Variants in GUCY1B1 observed in about 807,000 individuals in gnomAD.
GUCY1B1 encodes the protein guanylate cyclase 1 soluble subunit beta 1.
Under a neutral mutation model 71.0 loss-of-function variants are expected in GUCY1B1, and 43 were observed. That is an observed-to-expected ratio of 0.61 (90% CI 0.47 to 0.78). The LOEUF is 0.78. Among genes scored for constraint, GUCY1B1 ranks in the 30% least tolerant of loss-of-function variants. GUCY1B1 has a pLI of 0.00. For synonymous variants in GUCY1B1, 266 were observed against 259.7 expected (o/e 1.02, Z -0.23); for missense variants, 535 against 754.1 (o/e 0.71, Z 3.40).
chr4:155,796,877 G>C (rs181103293), intron 8 of GUCY1B1, among the ~76,000 whole-genome samples: 2 of 152,074 alleles, frequency 1.3e-5, no homozygotes, highest in East Asian at 3.9e-4. Flanking sequence ...TAAATACATT[G>C]GTATATTTGA....
chr4:155,789,200 GATATT>G (rs1738993901), intron 4 of GUCY1B1, among the ~76,000 whole-genome samples: 3 of 152,258 alleles, frequency 2.0e-5, no homozygotes, highest in African/African-American at 7.2e-5. Context: ...TAATTTCTAA[GATATT>G]AGAATAGTTA....
At chr4:155,780,690 A>G (rs967924196) in intron 4 of GUCY1B1, among the ~76,000 whole-genome samples, 3 of 152,192 alleles carry the variant, frequency 2.0e-5, no homozygotes, top group South Asian at 2.1e-4. Context: ...ACACCAATAG[A>G]TCAAGCTGAA....
chr4:155,766,171 G>A (rs1737321381), intron 2 of GUCY1B1, among the ~76,000 whole-genome samples: 1 of 152,064 alleles, frequency 6.6e-6, no homozygotes, highest in African/African-American at 2.4e-5. Context: ...AAAGAATAGA[G>A]CACACACATA....
chr4:155,781,052 A>G (rs1387866146), intron 4 of GUCY1B1, among the ~76,000 whole-genome samples: 2 of 152,194 alleles, frequency 1.3e-5, no homozygotes, highest in African/African-American at 2.4e-5. Flanking sequence ...CCTCTCAGTT[A>G]GATACATTAT....
At chr4:155,773,117 T>G (rs773080218) in intron 2 of GUCY1B1, among the ~76,000 whole-genome samples, 6 of 152,236 alleles carry the variant, frequency 3.9e-5, no homozygotes, top group Non-Finnish European at 7.3e-5. Flanking sequence ...CTTTGTATTC[T>G]CTTGGCAATG....
chr4:155,786,762 C>T (rs757636000), intron 4 of GUCY1B1, among the ~76,000 whole-genome samples: 2 of 151,888 alleles, frequency 1.3e-5, no homozygotes, highest in Non-Finnish European at 2.9e-5. Flanking sequence ...TGTGAGGCAC[C>T]GCGCCTGGCC....
At chr4:155,772,324 T>C (rs949870483) in intron 2 of GUCY1B1, among the ~76,000 whole-genome samples, 1 of 152,236 alleles carries the variant, frequency 6.6e-6, no homozygotes, top group Non-Finnish European at 1.5e-5. Context: ...GCTTAGAATA[T>C]ACTTTTGTAC....
Position 155,802,117 on chromosome 4 carries a change from C to A in GUCY1B1, c.1176-225C>A. The A allele has an allele frequency of 1.0e-6, 1 of 968,666 alleles. No individual in the cohort carries two copies. The highest frequency in any genetic ancestry group is 1.5e-6 in the Non-Finnish European group (1 of 676,266). The allele number at this position is 968,666 out of a possible 1,614,324, so 60.0% of individuals were successfully genotyped here. A position where few individuals can be genotyped will look rare whatever the true frequency, so the allele number is the denominator to read the frequency against. On this transcript the variant is annotated intron_variant, in intron 9 of 13. Coordinates refer to ENST00000264424, the MANE Select transcript of GUCY1B1 (RefSeq NM_000857.5). This position sits in a 1 kb window ranked among gnomAD's most constrained non-coding sequence, Gnocchi z 4.3. ...TTGATTTGGTTTGAACTAGTTTGGG[C>A]TTGCGGATGTCTTATGTGATTAGGA...
At chr4:155,774,265 A>C (rs2111023535) in intron 2 of GUCY1B1, among the ~76,000 whole-genome samples, 1 of 152,238 alleles carries the variant, frequency 6.6e-6, no homozygotes, top group South Asian at 2.1e-4. Flanking sequence ...TGTTCCAGCC[A>C]CATTGGCCTC....
chr4:155,800,506 T>G (rs1739873096), intron 9 of GUCY1B1, among the ~76,000 whole-genome samples: 1 of 152,208 alleles, frequency 6.6e-6, no homozygotes, highest in Non-Finnish European at 1.5e-5. Flanking sequence ...GTTTAAAAAT[T>G]TATTTTCTGG....
intron 13 of GUCY1B1, 91 bp from the exon 14 acceptor site, chr4:155,806,295 A>G: frequency 1.3e-6 from 1 of 795,558 alleles, no homozygotes; most frequent in Middle Eastern, 2.3e-4. Flanking sequence ...AACGTGGATC[A>G]CACTCTCATA....
chr4:155,779,075 G>A (rs192220418), intron 4 of GUCY1B1, among the ~76,000 whole-genome samples: 182 of 151,972 alleles, frequency 1.2e-3, no homozygotes, highest in African/African-American at 4.1e-3. Context: ...GTATTCCAGA[G>A]CTGCTTTATC....
At chr4:155,791,159 G>T (rs1203365362) in intron 5 of GUCY1B1, among the ~76,000 whole-genome samples, 16 of 149,674 alleles carry the variant, frequency 1.1e-4, no homozygotes, top group Admixed American at 2.7e-4. Context: ...CTGTCTCCCA[G>T]GCTGGAGTGC....
At chr4:155,781,277 C>G (rs1389948045) in intron 4 of GUCY1B1, among the ~76,000 whole-genome samples, 1 of 152,072 alleles carries the variant, frequency 6.6e-6, no homozygotes, top group Non-Finnish European at 1.5e-5. Context: ...ACCTCTTTTG[C>G]TTAAATTTTT....
chr4:155,795,351 G>C lies in GUCY1B1; in HGVS notation c.737G>C (p.Gly246Ala). Residue 246 changes from glycine to alanine, a missense_variant, in exon 7 of 14, where the codon GGG (glycine) becomes GCG (alanine). Coordinates refer to ENST00000264424, the MANE Select transcript of GUCY1B1 (RefSeq NM_000857.5). ...IYRVLPQLQP[G>A]NCSLLSVFSL... Reference sequence around the variant, plus strand: ...CTATCTATATTTTAGCTCCAGCCTGGGAATTGCAGCCTTCTGTCTGTCTTC... The same window carrying C: ...CTATCTATATTTTAGCTCCAGCCTGCGAATTGCAGCCTTCTGTCTGTCTTC... 1.9e-6 allele frequency: 3 copies of C among 1,592,198 alleles called. No homozygotes were observed. Among genetic ancestry groups the C allele is most frequent in the Non-Finnish European group, 2.6e-6 (3 of 1,161,992 alleles).
intron 2 of GUCY1B1, among the ~76,000 whole-genome samples, chr4:155,771,871 GAT>G (rs1737715357): frequency 1.3e-5 from 2 of 152,092 alleles, no homozygotes; most frequent in South Asian, 4.1e-4. Context: ...GATATGAAAA[GAT>G]ATCCATCAAA....
At chr4:155,777,458 A>G in intron 3 of GUCY1B1, 66 bp from the exon 4 acceptor site, 6 of 866,524 alleles carry the variant, frequency 6.9e-6, no homozygotes, top group Non-Finnish European at 9.8e-6. Context: ...ACTTATCTTC[A>G]TTTTTTCTAT....
chr4:155,775,810 AG>A (rs1738004302), intron 3 of GUCY1B1, among the ~76,000 whole-genome samples: 1 of 152,068 alleles, frequency 6.6e-6, no homozygotes, highest in South Asian at 2.1e-4. Context: ...ATCTTTCTGA[AG>A]AAGGCAAAGT....
In GUCY1B1 at chr4:155,759,924, C is replaced by A. The variant is rs1006133641; in HGVS notation, c.77+64C>A. The stretch of plus-strand genomic sequence containing the variant: ...GCCCAGTGTGGGAGGCCCCCCGCGC[C>A]TCGCCTGGTCCTCAGCCTGCTGGCC... On this transcript the variant is annotated intron_variant, in intron 2 of 13. Transcript: ENST00000264424. The A allele has an allele frequency of 2.2e-5, 26 of 1,208,332 alleles. No homozygotes were observed. The Admixed American group carries it at 3.6e-4, about 17-fold the overall frequency. The allele number at this position is 1,208,332 out of a possible 1,614,324, so 74.9% of individuals were successfully genotyped here.
Sources: allele counts gnomAD v4.1 joint callset (sites outside exome capture counted in the v4.1 genomes callset), GRCh38; gene constraint gnomAD v4.1.1; non-coding constraint Gnocchi (gnomAD v3.1); transcripts MANE v1.5; gene names NCBI Gene and HGNC (gene_info 2026-07-23, HGNC 2026-07-21).